The following SIPA1L3 variants were observed in gnomAD, a reference collection of about 807,000 sequenced individuals.
SIPA1L3 encodes signal induced proliferation associated 1 like 3.
SIPA1L3 carries 59 observed loss-of-function variants against 150.1 expected under a neutral mutation model. That is an observed-to-expected ratio of 0.39 (90% CI 0.32 to 0.49). The LOEUF (loss-of-function observed/expected upper bound fraction) is 0.49, where lower values mean the gene tolerates loss of function less well. Among genes scored for constraint, SIPA1L3 ranks in the 20% least tolerant of loss-of-function variants. The probability of loss-of-function intolerance (pLI) is 0.86; values close to 1 mark genes in which losing one functional copy is unlikely to be tolerated. For synonymous variants in SIPA1L3, 1,070 were observed against 1,077.6 expected (o/e 0.99, Z 0.14); for missense variants, 2,211 against 2,489.5 (o/e 0.89, Z 2.38).
intron 2 of SIPA1L3, among the ~76,000 whole-genome samples, chr19:38,079,931 C>A (rs994649640): frequency 1.3e-5 from 2 of 152,120 alleles, no homozygotes; most frequent in African/African-American, 4.8e-5. Flanking sequence ...TATCAGATGT[C>A]CTGGATAAGG....
chr19:38,116,764 G>A (rs1209871064), intron 8 of SIPA1L3, among the ~76,000 whole-genome samples: 1 of 152,002 alleles, frequency 6.6e-6, no homozygotes, highest in Non-Finnish European at 1.5e-5. Context: ...TGAGGTGGGA[G>A]AATTGACTGA....
chr19:38,056,993 G>A (rs961599894), intron 2 of SIPA1L3, among the ~76,000 whole-genome samples: 2 of 152,042 alleles, frequency 1.3e-5, no homozygotes, highest in Non-Finnish European at 2.9e-5. Context: ...TATGGGGACC[G>A]GGCGCGGTGG....
At position 38,072,310 on chromosome 19, in the gene SIPA1L3, C is replaced by A. The variant is rs546467388; in HGVS notation, c.-310-8946C>A. Among the ~76,000 whole-genome samples the A allele has an allele frequency of 7.2e-5, 11 of 152,294 alleles. No homozygotes were observed. In the Middle Eastern group the frequency reaches 0.02, roughly 283 times the overall value. ...CAGGTGTGAAGTGCTCTGGAAAGGA[C>A]CTGGACCATAGAAGGATTCTATTCA... On this transcript the variant is annotated intron_variant, in intron 2 of 21. Transcript: ENST00000222345.
At chr19:38,115,017 A>C (rs1407145964) in intron 8 of SIPA1L3, among the ~76,000 whole-genome samples, 2 of 152,184 alleles carry the variant, frequency 1.3e-5, no homozygotes, top group Non-Finnish European at 2.9e-5. Flanking sequence ...TCCCTCAAGG[A>C]TTTAACCAAA....
intron 6 of SIPA1L3, among the ~76,000 whole-genome samples, chr19:38,105,420 G>A (rs752833094): frequency 7.3e-5 from 11 of 151,396 alleles, no homozygotes; most frequent in Admixed American, 1.3e-4. Context: ...TGGTCCAGAC[G>A]CTACCACTCA....
chr19:38,154,403 G>A (rs1004217794), intron 13 of SIPA1L3, among the ~76,000 whole-genome samples: 4 of 152,120 alleles, frequency 2.6e-5, no homozygotes, highest in African/African-American at 9.7e-5. Flanking sequence ...ACACCTAGGA[G>A]TGAAATTTCT....
intron 9 of SIPA1L3, among the ~76,000 whole-genome samples, chr19:38,125,175 A>G (rs1195746565): frequency 1.3e-5 from 2 of 152,106 alleles, no homozygotes; most frequent in Non-Finnish European, 2.9e-5. Flanking sequence ...AGCTGGGACT[A>G]CAGGCGCCCG....
At chr19:37,958,683 G>C (rs2046831393) in intron 1 of SIPA1L3, among the ~76,000 whole-genome samples, 2 of 152,118 alleles carry the variant, frequency 1.3e-5, no homozygotes, top group Admixed American at 6.5e-5. Flanking sequence ...GAAAAAAATA[G>C]ACACATTGGA....
intron 2 of SIPA1L3, among the ~76,000 whole-genome samples, chr19:38,030,484 G>A (rs1436450126): frequency 6.6e-6 from 1 of 151,806 alleles, no homozygotes; most frequent in African/African-American, 2.4e-5. Context: ...CACCTGAACC[G>A]GTGGAGGTCA....
intron 1 of SIPA1L3, among the ~76,000 whole-genome samples, chr19:37,983,763 G>T (rs1967262069): frequency 6.6e-6 from 1 of 151,972 alleles, no homozygotes; most frequent in Admixed American, 6.6e-5. Context: ...AAAATTAGCT[G>T]GGCGTGGTGG....
At chr19:38,045,415 G>T (rs1035348828) in intron 2 of SIPA1L3, among the ~76,000 whole-genome samples, 2 of 149,996 alleles carry the variant, frequency 1.3e-5, no homozygotes, top group African/African-American at 4.9e-5. Flanking sequence ...ACTCAGCCAC[G>T]TAATTTAACT....
chr19:37,974,671 T>C (rs1271257278), intron 1 of SIPA1L3, among the ~76,000 whole-genome samples: 1 of 152,014 alleles, frequency 6.6e-6, no homozygotes, highest in Non-Finnish European at 1.5e-5. Context: ...ATGCTTTCAT[T>C]TCGTGAATCT....
chr19:38,098,417 G>C (rs943271291), intron 4 of SIPA1L3, among the ~76,000 whole-genome samples: 6 of 122,940 alleles, frequency 4.9e-5, no homozygotes, highest in African/African-American at 1.9e-4. Flanking sequence ...TTTTTTTTGA[G>C]ACAGTCTCGC....
intron 1 of SIPA1L3, among the ~76,000 whole-genome samples, chr19:38,020,331 G>A (rs1968346329): frequency 6.6e-6 from 1 of 151,838 alleles, no homozygotes; most frequent in Non-Finnish European, 1.5e-5. Flanking sequence ...CCCTTTCAAT[G>A]TGTTATGAAT....
intron 1 of SIPA1L3, among the ~76,000 whole-genome samples, chr19:37,910,791 G>C (rs562914850): frequency 1.3e-3 from 197 of 152,270 alleles, no homozygotes; most frequent in Admixed American, 2.2e-3. Flanking sequence ...TTTTAGTAGA[G>C]ATGGGGTTTC....
chr19:38,123,386 G>C (rs1971073873), intron 9 of SIPA1L3, among the ~76,000 whole-genome samples: 1 of 149,772 alleles, frequency 6.7e-6, no homozygotes, highest in Admixed American at 6.7e-5. Context: ...AAAGGTCTCT[G>C]GTTTTCCTAG....
intron 1 of SIPA1L3, among the ~76,000 whole-genome samples, chr19:37,925,905 T>A (rs1320016212): frequency 6.6e-6 from 1 of 152,110 alleles, no homozygotes. Context: ...TTATTACACT[T>A]TTGAAAAGTT....
chr19:38,192,052 T>C, intron 16 of SIPA1L3, 93 bp from the exon 17 acceptor site: 2 of 1,192,758 alleles, frequency 1.7e-6, no homozygotes, highest in Non-Finnish European at 2.4e-6. Context: ...TGGCCATGCG[T>C]CCCGTGGTGG....
At chr19:37,985,209 T>C (rs1478620984) in intron 1 of SIPA1L3, among the ~76,000 whole-genome samples, 3 of 151,684 alleles carry the variant, frequency 2.0e-5, no homozygotes, top group African/African-American at 7.3e-5. Context: ...TTTTTTTTTT[T>C]TTTTGAGTGT....
Sources: gnomAD v4.1 joint callset for allele counts (sites outside exome capture counted in the v4.1 genomes callset) on GRCh38, gnomAD v4.1.1 for gene constraint, MANE v1.5 for transcripts, NCBI Gene and HGNC (gene_info 2026-07-23, HGNC 2026-07-21) for gene names.